MYO18B: variants seen among roughly 807,000 people sequenced by gnomAD.
MYO18B encodes myosin XVIIIB, also known as unconventional myosin-XVIIIb.
Under a neutral mutation model 273.0 loss-of-function variants are expected in MYO18B, and 204 were observed. The ratio of observed to expected loss-of-function variants is 0.75; its 90% CI spans 0.67 to 0.84. The LOEUF is 0.84. Among genes scored for constraint, MYO18B ranks in the 40% least tolerant of loss-of-function variants. The pLI is 0.00. For synonymous variants in MYO18B, 1,330 were observed against 1,305.7 expected, an observed-to-expected ratio of 1.02 and a Z score of -0.40; for missense variants, 3,212 against 3,287.6, an observed-to-expected ratio of 0.98 and a Z score of 0.56.
At chr22:25,953,170 C>T (rs1295612773) in intron 38 of MYO18B, among the ~76,000 whole-genome samples, 1 of 152,154 alleles carries the variant, frequency 6.6e-6, no homozygotes, top group Non-Finnish European at 1.5e-5. Flanking sequence ...GTGTTCACTT[C>T]TTCAGCTCTG....
At chr22:25,946,329 C>T (rs887895761) in intron 35 of MYO18B, 79 bp downstream of exon 35, 1 of 960,870 alleles carries the variant, frequency 1.0e-6, no homozygotes, top group African/African-American at 1.7e-5. Flanking sequence ...AGTGTGCGCT[C>T]AGCACTATAG....
At chr22:26,053,387 A>T in the MYO18B span, among the ~76,000 whole-genome samples, 1 of 151,928 alleles carries the variant, frequency 6.6e-6, no homozygotes, top group Non-Finnish European at 1.5e-5. Context: ...AGAGGAAAAA[A>T]CAGAGGAAAG....
intron 7 of MYO18B, 97 bp from the exon 8 acceptor site, chr22:25,777,486 A>C: frequency 8.6e-7 from 1 of 1,160,848 alleles, no homozygotes; most frequent in Non-Finnish European, 1.2e-6. Context: ...AGGCAGGGAC[A>C]CAGATCTGGA....
chr22:25,846,938 G>A (rs1003652281), intron 19 of MYO18B, among the ~76,000 whole-genome samples: 2 of 152,102 alleles, frequency 1.3e-5, no homozygotes, highest in African/African-American at 2.4e-5. Context: ...AAAATTGGCT[G>A]GGCGTGGTGA....
intron 7 of MYO18B, 66 bp downstream of exon 7, chr22:25,772,576 T>C (rs2086763166): frequency 2.7e-6 from 4 of 1,484,324 alleles, no homozygotes; most frequent in South Asian, 1.3e-5. Flanking sequence ...GGGATCCCTC[T>C]GCATCTGAGG....
At chr22:25,877,091 CATACTTGTGT>C in intron 24 of MYO18B, 1 of 152,232 alleles carries the variant, frequency 6.6e-6, no homozygotes, top group East Asian at 1.9e-4. Flanking sequence ...GCACCGTGTC[CATACTTGTGT>C]ATACCCAGTC....
At chr22:25,779,558 C>T (rs988514830) in intron 8 of MYO18B, among the ~76,000 whole-genome samples, 3 of 152,280 alleles carry the variant, frequency 2.0e-5, no homozygotes, top group East Asian at 3.9e-4. Flanking sequence ...TGCTGTGAAT[C>T]GCATGTGTCT....
intron 1 of MYO18B, among the ~76,000 whole-genome samples, chr22:25,755,284 G>A (rs923210945): frequency 2.0e-5 from 3 of 151,954 alleles, no homozygotes; most frequent in South Asian, 4.2e-4. Flanking sequence ...TCGGCTCACC[G>A]CAACCTCCGC....
At chr22:25,825,589 G>A (rs2089463463) in intron 13 of MYO18B, among the ~76,000 whole-genome samples, 1 of 152,086 alleles carries the variant, frequency 6.6e-6, no homozygotes, top group Non-Finnish European at 1.5e-5. Context: ...TATAGTTTTT[G>A]AGCCTTTATA....
intron 27 of MYO18B, among the ~76,000 whole-genome samples, chr22:25,893,766 T>TCCATCCAC (rs552222193): frequency 1.6e-3 from 249 of 151,514 alleles, no homozygotes; most frequent in African/African-American, 4.6e-3. Context: ...CATCTATCCA[T>TCCATCCAC]CCATCCACCC....
At chr22:25,803,798 G>A (rs954512610) in intron 12 of MYO18B, among the ~76,000 whole-genome samples, 1 of 152,130 alleles carries the variant, frequency 6.6e-6, no homozygotes, top group African/African-American at 2.4e-5. Context: ...TTCTGGAAAT[G>A]TGTCTGTTTT....
At chr22:25,944,329 C>T (rs1455563412) in intron 34 of MYO18B, among the ~76,000 whole-genome samples, 1 of 152,152 alleles carries the variant, frequency 6.6e-6, no homozygotes, top group African/African-American at 2.4e-5. Flanking sequence ...TTGCTGGGCC[C>T]AACTGCAGGA....
At chr22:26,002,219 A>G (rs991902434) in intron 40 of MYO18B, among the ~76,000 whole-genome samples, 2 of 152,232 alleles carry the variant, frequency 1.3e-5, no homozygotes, top group African/African-American at 4.8e-5. Flanking sequence ...ATTATGGTGC[A>G]AAAACAATCA....
chr22:26,013,298 C>T (rs6004891), intron 42 of MYO18B, among the ~76,000 whole-genome samples: 52,897 of 151,948 alleles, frequency 0.35, 10,035 homozygotes, highest in African/African-American at 0.5. Context: ...TAGAGTTCAG[C>T]GATGCTGCCA....
chr22:25,922,905 A>T (rs953325740), intron 34 of MYO18B, among the ~76,000 whole-genome samples: 2 of 152,138 alleles, frequency 1.3e-5, no homozygotes, highest in Admixed American at 6.5e-5. Flanking sequence ...ACAAAACAAA[A>T]CAAAAACCTA....
At chr22:25,846,985 CAGG>C (rs1166453821) in intron 19 of MYO18B, among the ~76,000 whole-genome samples, 1 of 151,256 alleles carries the variant, frequency 6.6e-6, no homozygotes, top group African/African-American at 2.4e-5. Context: ...GAGGCTGAGG[CAGG>C]AGAATTGCTT....
intron 32 of MYO18B, among the ~76,000 whole-genome samples, chr22:25,908,657 A>G (rs1569178997): frequency 6.6e-6 from 1 of 152,244 alleles, no homozygotes; most frequent in African/African-American, 2.4e-5. Context: ...ACTGTCCAGC[A>G]TAATGGCTCA....
intron 39 of MYO18B, among the ~76,000 whole-genome samples, chr22:25,964,485 A>G (rs544071053): frequency 4.1e-4 from 62 of 152,232 alleles, no homozygotes; most frequent in African/African-American, 1.4e-3. Flanking sequence ...TTAATAATAT[A>G]TGTTAATATT....
At chr22:25,922,046 C>CTGGG (rs1229974238) in intron 34 of MYO18B, among the ~76,000 whole-genome samples, 2 of 152,198 alleles carry the variant, frequency 1.3e-5, no homozygotes, top group Non-Finnish European at 2.9e-5. Flanking sequence ...TCACTAGGTA[C>CTGGG]TGGGTCCTCT....
Sources: gnomAD v4.1 joint callset for allele counts (sites outside exome capture counted in the v4.1 genomes callset) on GRCh38, gnomAD v4.1.1 for gene constraint, MANE v1.5 for transcripts, NCBI Gene and HGNC (gene_info 2026-07-23, HGNC 2026-07-21) for gene names.